UGT1A6: variants seen among roughly 807,000 people sequenced by gnomAD.
UGT1A6 encodes the protein UDP-glucuronosyltransferase 1A6.
A neutral mutation model predicts 44.4 loss-of-function variants in UGT1A6; 32 were observed. The ratio of observed to expected loss-of-function variants is 0.72; its 90% CI spans 0.54 to 0.97. The LOEUF (loss-of-function observed/expected upper bound fraction) is 0.97, where lower values mean the gene tolerates loss of function less well. Among genes scored for constraint, UGT1A6 ranks in the 50% least tolerant of loss-of-function variants. The pLI is 0.00. For missense variants in UGT1A6, 685 were observed against 661.9 expected, an observed-to-expected ratio of 1.03 and a Z score of -0.38; for synonymous variants, 238 against 248.5, an observed-to-expected ratio of 0.96 and a Z score of 0.40.
In UGT1A6 at chr2:233,728,991, T is replaced by C. The variant is rs868429591; in HGVS notation, c.861+35126T>C. On this transcript the variant is annotated intron_variant, in intron 1 of 4. Transcript: ENST00000305139. ...GATAGATTAATGGTTAATAATTAAC[T>C]AGAGGAGGGCACTCTGTCTTCCAAT... 5.2e-5 allele frequency: 80 copies of C among 1,542,528 alleles called. No homozygotes were observed. The African/African-American group carries it at 1.0e-3, about 20-fold the overall frequency.
chr2:233,767,044 C>T lies in UGT1A6; in HGVS notation c.872C>T (p.Ala291Val), dbSNP rs758873309. The T allele has an allele frequency of 6.2e-7, 1 of 1,613,992 alleles. No individual in the cohort carries two copies. The highest frequency in any genetic ancestry group is 1.1e-5 in the South Asian group (1 of 91,046). ...TTCTTCTGGCTCTAGGAATTTGAAG[C>T]CTACATTAATGCTTCTGGAGAACAT... ...KRKDLSQEFE[A>V]YINASGEHGI... is the part of the protein sequence containing the mutation. The change falls in exon 2 of 5, where the codon GCC becomes GTC. Residue 291 changes from alanine to valine, a missense_variant. Ala to Val is a moderately conservative substitution (Grantham distance 64). Coordinates refer to ENST00000305139, the MANE Select transcript of UGT1A6 (RefSeq NM_001072.4).
chr2:233,754,591 G>T (rs1279768336), intron 1 of UGT1A6: 4 of 429,060 alleles, frequency 9.3e-6, no homozygotes, highest in South Asian at 6.6e-5. Context: ...TATTATGAAG[G>T]ACTTTAACTC....
At position 233,694,085 on chromosome 2, in the gene UGT1A6, A is replaced by G. The variant is rs1034511952; in HGVS notation, c.861+220A>G. Among the ~76,000 whole-genome samples the G allele has an allele frequency of 7.2e-5, 11 of 152,174 alleles. No individual in the cohort carries two copies. In the East Asian group the frequency reaches 2.1e-3, roughly 29 times the overall value. ...GACAGGGCTCATGCTTGGCAAGAGT[A>G]GGAGATTTGCTTAGTTGGATAATCT... On this transcript the variant is annotated intron_variant, in intron 1 of 4. Coordinates refer to ENST00000305139, the MANE Select transcript of UGT1A6 (RefSeq NM_001072.4).
chr2:233,699,577 G>A (rs1442850819), intron 1 of UGT1A6, among the ~76,000 whole-genome samples: 1 of 152,206 alleles, frequency 6.6e-6, no homozygotes, highest in Non-Finnish European at 1.5e-5. Context: ...CTGGCTCTAG[G>A]ACATCCTTTC....
intron 1 of UGT1A6, among the ~76,000 whole-genome samples, chr2:233,696,312 G>A (rs1281936053): frequency 6.6e-6 from 1 of 152,138 alleles, no homozygotes; most frequent in African/African-American, 2.4e-5. Flanking sequence ...TATATATTTG[G>A]TCTTCATCCT....
chr2:233,759,589 C>T (rs1019080455), intron 1 of UGT1A6, among the ~76,000 whole-genome samples: 2 of 147,434 alleles, frequency 1.4e-5, no homozygotes, highest in Non-Finnish European at 3.0e-5. Flanking sequence ...CAGCACGCCC[C>T]CCACCCCCGA....
At chr2:233,713,299 C>T in intron 1 of UGT1A6, 2 of 1,614,232 alleles carry the variant, frequency 1.2e-6, no homozygotes, top group Non-Finnish European at 1.7e-6. Context: ...TTCTTTGAAA[C>T]AGAACATCTT....
intron 1 of UGT1A6, chr2:233,713,364 C>CT: frequency 6.2e-7 from 1 of 1,614,158 alleles, no homozygotes; most frequent in South Asian, 1.1e-5. Context: ...TTTGATCATA[C>CT]ATAGGTCTTG....
rs1199920513 is a variant in UGT1A6, at chr2:233,767,073, A to G, written c.901A>G (p.Ile301Val). The change falls in exon 2 of 5, where the codon ATT becomes GTT. Residue 301 changes from isoleucine (I) to valine (V), a missense_variant. Coordinates refer to ENST00000305139, the MANE Select transcript of UGT1A6 (RefSeq NM_001072.4). ...CATTAATGCTTCTGGAGAACATGGA[A>G]TTGTGGTTTTCTCTTTGGGATCAAT... is the stretch of plus-strand genomic sequence containing the variant. Reference protein sequence around the residue: ...AYINASGEHGIVVFSLGSMVS... With the variant: ...AYINASGEHGVVVFSLGSMVS... 3.1e-6 allele frequency: 5 copies of G among 1,614,112 alleles called. No homozygotes were observed. Among genetic ancestry groups the G allele is most frequent in the Non-Finnish European group, 3.4e-6 (4 of 1,179,992 alleles).
chr2:233,695,818 A>G (rs1184155608), intron 1 of UGT1A6, among the ~76,000 whole-genome samples: 1 of 152,200 alleles, frequency 6.6e-6, no homozygotes, highest in Non-Finnish European at 1.5e-5. Context: ...GGAAAACAAA[A>G]CCAACAAAAA....
chr2:233,704,632 C>T (rs576550936), intron 1 of UGT1A6, among the ~76,000 whole-genome samples: 126 of 152,100 alleles, frequency 8.3e-4, no homozygotes, highest in African/African-American at 2.9e-3. Flanking sequence ...GTTATATTAA[C>T]CTTTTTGCTT....
At chr2:233,739,922 C>T (rs28900073) in intron 1 of UGT1A6, among the ~76,000 whole-genome samples, 1 of 151,712 alleles carries the variant, frequency 6.6e-6, no homozygotes, top group Non-Finnish European at 1.5e-5. Flanking sequence ...TTTCCATAAT[C>T]CCCATGTGTT....
chr2:233,769,819 C>A lies in UGT1A6; in HGVS notation c.1301+1380C>A. On this transcript the variant is annotated intron_variant, in intron 4 of 4. Transcript: ENST00000305139. The surrounding 1 kb of genome is among the most constrained non-coding windows in gnomAD (Gnocchi z 4.4). ...GCTATGAGCCGTGATCATGCCACTG[C>A]ACTCCAGCAACCTGGGCAACAGAGT... 2 of 840,292 alleles carry A rather than the reference C, an allele frequency of 2.4e-6. No homozygotes were observed. The highest frequency in any genetic ancestry group is 3.4e-6 in the Non-Finnish European group (2 of 594,478). The allele number at this position is 840,292 out of a possible 1,614,324, so 52.1% of individuals were successfully genotyped here.
chr2:233,707,693 G>A lies in UGT1A6; in HGVS notation c.861+13828G>A, dbSNP rs369613240. 2.2e-3 allele frequency among the ~76,000 whole-genome samples: 337 copies of A among 152,208 alleles called. 2 individuals are homozygous for A. The highest frequency in any genetic ancestry group is 3.8e-3 in the Non-Finnish European group (256 of 68,004). On this transcript the variant is annotated intron_variant, in intron 1 of 4. Transcript: ENST00000305139. ...TTCTACTGTTGATGGGCTTTGGGTT[G>A]TATCTAGCTTTTCACTACTGTGAAC...
At chr2:233,698,700 T>A (rs2075456458) in intron 1 of UGT1A6, among the ~76,000 whole-genome samples, 1 of 152,188 alleles carries the variant, frequency 6.6e-6, no homozygotes, top group Non-Finnish European at 1.5e-5. Context: ...CTAAAAAAAA[T>A]GTGCAAAGCC....
chr2:233,760,639 A>G, intron 1 of UGT1A6: 1 of 1,614,156 alleles, frequency 6.2e-7, no homozygotes, highest in African/African-American at 1.3e-5. Context: ...GAAAATAAAA[A>G]AGGACTCTGC....
chr2:233,758,620 A>G (rs2125966627), intron 1 of UGT1A6, among the ~76,000 whole-genome samples: 1 of 152,334 alleles, frequency 6.6e-6, no homozygotes, highest in South Asian at 2.1e-4. Context: ...ATGTGCATGC[A>G]AAGTACCTAC....
intron 1 of UGT1A6, among the ~76,000 whole-genome samples, chr2:233,711,346 C>T (rs967484863): frequency 5.3e-5 from 8 of 152,344 alleles, no homozygotes; most frequent in Admixed American, 2.0e-4. Context: ...GGAGATAGAA[C>T]AGGGGAGCCC....
intron 1 of UGT1A6, among the ~76,000 whole-genome samples, chr2:233,709,659 T>TAGTA (rs2076086145): frequency 6.6e-6 from 1 of 152,242 alleles, no homozygotes; most frequent in Non-Finnish European, 1.5e-5. Context: ...GGGCTTTGTA[T>TAGTA]AGTAGGTTTT....
Sources: gnomAD v4.1 joint callset for allele counts (sites outside exome capture counted in the v4.1 genomes callset) on GRCh38, gnomAD v4.1.1 for gene constraint, Gnocchi (gnomAD v3.1) non-coding constraint, MANE v1.5 for transcripts, NCBI Gene and HGNC (gene_info 2026-07-23, HGNC 2026-07-21) for gene names.